Variants in ASIC2 observed in about 807,000 individuals in gnomAD.
The protein encoded by ASIC2 is acid-sensing ion channel 2.
A neutral mutation model predicts 57.3 loss-of-function variants in ASIC2; 25 were observed. The ratio of observed to expected loss-of-function variants is 0.44; its 90% confidence interval spans 0.32 to 0.61. ASIC2 has a LOEUF of 0.61. ASIC2 is among the 20% of genes least tolerant of loss of function. The pLI is 0.06. For synonymous variants in ASIC2, 319 were observed against 307.5 expected, an observed-to-expected ratio of 1.04 and a Z score of -0.39; for missense variants, 641 against 738.1, an observed-to-expected ratio of 0.87 and a Z score of 1.52.
At chr17:33,945,123 G>A (rs958564609) in intron 1 of ASIC2, among the ~76,000 whole-genome samples, 5 of 152,294 alleles carry the variant, frequency 3.3e-5, no homozygotes, top group African/African-American at 1.2e-4. Flanking sequence ...CAGCAGCTTG[G>A]CTTGAAAGCT....
chr17:33,325,703 G>T (rs753598217), intron 1 of ASIC2, among the ~76,000 whole-genome samples: 1 of 152,118 alleles, frequency 6.6e-6, no homozygotes, highest in Admixed American at 6.6e-5. Flanking sequence ...GCAGCAAGTG[G>T]GTATGAGAAA....
At chr17:33,982,090 G>A (rs1190937318) in intron 1 of ASIC2, among the ~76,000 whole-genome samples, 1 of 152,178 alleles carries the variant, frequency 6.6e-6, no homozygotes, top group African/African-American at 2.4e-5. Flanking sequence ...CTGCATCCTT[G>A]TTCTCCTGGG....
At chr17:33,577,466 G>T (rs1029164946) in intron 1 of ASIC2, among the ~76,000 whole-genome samples, 6 of 152,118 alleles carry the variant, frequency 3.9e-5, no homozygotes, top group Non-Finnish European at 8.8e-5. Flanking sequence ...GCCTCCCCAT[G>T]CTGTGGAGAC....
At chr17:33,293,358 C>G (rs922456580), upstream of ASIC2, among the ~76,000 whole-genome samples, 4 of 152,168 alleles carry the variant, frequency 2.6e-5, no homozygotes, top group African/African-American at 9.6e-5. Context: ...TGCTGACGCG[C>G]CCGGCTCCTC....
At position 33,441,992 on chromosome 17, in the gene ASIC2, C is replaced by T. The variant is rs140894470; in HGVS notation, c.556-329925G>A. Among the ~76,000 whole-genome samples, 5 of 152,276 alleles carry T rather than the reference C, an allele frequency of 3.3e-5. No individual in the cohort carries two copies. The East Asian group carries it at 5.8e-4, about 18-fold the overall frequency. On this transcript the variant is annotated intron_variant, in intron 1 of 9. Transcript: ENST00000359872. ...TTTCTTTTCAACACCTACAGTATAT[C>T]GATATCCAGTGGTCCCAGCATTGCT...
At chr17:33,594,720 C>G (rs142880691) in intron 1 of ASIC2, among the ~76,000 whole-genome samples, 1 of 151,278 alleles carries the variant, frequency 6.6e-6, no homozygotes, top group Non-Finnish European at 1.5e-5. Context: ...CCCAGCTACT[C>G]GGGAGGCCGA....
In ASIC2 at chr17:33,286,003, A is replaced by G. The variant is rs564085025; in HGVS notation, c.708+5405T>C. On this transcript the variant is annotated intron_variant, in intron 1 of 9. Coordinates refer to ENST00000225823, the MANE Select transcript of ASIC2 (RefSeq NM_183377.2). ...CCAGGAATGGGTCTAAGCACCTCACATGTATTAGCTTATTTATTCCTCTTT... is the reference window on the plus strand; with the variant it reads ...CCAGGAATGGGTCTAAGCACCTCACGTGTATTAGCTTATTTATTCCTCTTT... Among the ~76,000 whole-genome samples, 6 of 152,316 alleles carry G rather than the reference A, an allele frequency of 3.9e-5. No homozygotes were observed. The South Asian group carries it at 1.2e-3, about 32-fold the overall frequency.
upstream of ASIC2, among the ~76,000 whole-genome samples, chr17:33,295,453 A>G (rs1905685390): frequency 6.6e-6 from 1 of 152,222 alleles, no homozygotes; most frequent in East Asian, 1.9e-4. Context: ...GCCCAGTGAA[A>G]TTCTGTTCTT....
At position 33,167,599 on chromosome 17, in the gene ASIC2, A is replaced by G. The variant is rs143858372; in HGVS notation, c.709-55532T>C. 5.2e-3 allele frequency among the ~76,000 whole-genome samples: 793 copies of G among 152,126 alleles called. 3 individuals carry two copies. Among genetic ancestry groups the G allele is most frequent in the Non-Finnish European group, 7.7e-3 (522 of 68,004 alleles). On this transcript the variant is annotated intron_variant, in intron 1 of 9. Coordinates refer to ENST00000225823, the MANE Select transcript of ASIC2 (RefSeq NM_183377.2). ...AAGGGAGCTCTGCTGCTACCCCTCT[A>G]TTTAAAAATCTTTAATGGCTCCCCA...
rs569517083 is a variant in ASIC2 at position 33,139,561 on chromosome 17, C to T, written c.709-27494G>A. Among the ~76,000 whole-genome samples the T allele has an allele frequency of 3.3e-5, 5 of 152,332 alleles. No individual in the cohort carries two copies. The East Asian group carries it at 9.7e-4, about 29-fold the overall frequency. On this transcript the variant is annotated intron_variant, in intron 1 of 9. Coordinates refer to ENST00000225823, the MANE Select transcript of ASIC2 (RefSeq NM_183377.2). The stretch of plus-strand genomic sequence containing the variant: ...TCAGTGACCACCTTGGCCAGGCCCC[C>T]AACATCTCTTATCTGGGCTACTGGG...
At position 33,563,386 on chromosome 17, in the gene ASIC2, C is replaced by T. The variant is rs540504831; in HGVS notation, c.556-451319G>A. On this transcript the variant is annotated intron_variant, in intron 1 of 9. Coordinates refer to the ASIC2 transcript ENST00000359872. ...AGAAGTGACTGCTCACAGGATAAAC[C>T]GGGAATTAAATCCACGCTTCCTCAT... 3.3e-5 allele frequency among the ~76,000 whole-genome samples: 5 copies of T among 152,226 alleles called. No homozygotes were observed. In the South Asian group the frequency reaches 6.2e-4, roughly 19 times the overall value.
intron 1 of ASIC2, among the ~76,000 whole-genome samples, chr17:33,765,073 G>A (rs1910894421): frequency 6.6e-6 from 1 of 152,114 alleles, no homozygotes; most frequent in Admixed American, 6.5e-5. Flanking sequence ...AACTAACTGT[G>A]ATGGTGACAG....
At chr17:33,125,083 G>T (rs759712035) in intron 1 of ASIC2, among the ~76,000 whole-genome samples, 1 of 152,192 alleles carries the variant, frequency 6.6e-6, no homozygotes, top group African/African-American at 2.4e-5. Flanking sequence ...CTTGCCCGCC[G>T]CTGACCTCCT....
At chr17:33,597,740 G>A (rs1006217588) in intron 1 of ASIC2, among the ~76,000 whole-genome samples, 7 of 152,138 alleles carry the variant, frequency 4.6e-5, no homozygotes, top group Non-Finnish European at 1.5e-5. Context: ...GTGAGAACAC[G>A]AAGCTCCAGA....
At chr17:34,028,544 T>C (rs907479577) in intron 1 of ASIC2, among the ~76,000 whole-genome samples, 6 of 152,166 alleles carry the variant, frequency 3.9e-5, no homozygotes, top group Non-Finnish European at 8.8e-5. Context: ...AGCTATGAAT[T>C]TACTCTTTTA....
chr17:33,334,511 C>T (rs562190151), intron 1 of ASIC2, among the ~76,000 whole-genome samples: 48 of 152,284 alleles, frequency 3.2e-4, no homozygotes, highest in African/African-American at 1.1e-3. Context: ...ACCAACTGTC[C>T]TTTTGTGACC....
chr17:33,292,989 C>T lies in ASIC2; in HGVS notation c.-874G>A, dbSNP rs1157749295. ...CTTCTCGCCTCGGCTCTCCCAGGTGCCTCGCGTCTCCAGAAAAGCCCAGCC... is the reference window on the plus strand; with the variant it reads ...CTTCTCGCCTCGGCTCTCCCAGGTGTCTCGCGTCTCCAGAAAAGCCCAGCC... On this transcript the variant is annotated 5_prime_UTR_variant, in exon 1 of 10. Coordinates refer to ENST00000225823, the MANE Select transcript of ASIC2 (RefSeq NM_183377.2). The T allele has an allele frequency of 5.1e-6, 5 of 985,428 alleles. No homozygotes were observed. The South Asian group carries it at 1.4e-4, about 28-fold the overall frequency. 61.0% of individuals were successfully genotyped at this position (985,428 alleles called of 1,614,324 possible).
At chr17:34,039,608 C>A in intron 1 of ASIC2, 1 of 1,613,732 alleles carries the variant, frequency 6.2e-7, no homozygotes, top group Middle Eastern at 1.7e-4. Flanking sequence ...CCAGCAAACT[C>A]AAAGTAATCA....
chr17:33,480,449 G>T (rs145719842), intron 1 of ASIC2, among the ~76,000 whole-genome samples: 1 of 152,146 alleles, frequency 6.6e-6, no homozygotes, highest in Non-Finnish European at 1.5e-5. Flanking sequence ...GAAGCAAACT[G>T]CATGGCAGTC....
Sources: allele counts gnomAD v4.1 joint callset (sites outside exome capture counted in the v4.1 genomes callset), GRCh38; gene constraint gnomAD v4.1.1; transcripts MANE v1.5; gene names NCBI Gene and HGNC (gene_info 2026-07-23, HGNC 2026-07-21).